Variants in CNDP1 observed in about 807,000 individuals in gnomAD.
CNDP1 encodes beta-Ala-His dipeptidase.
In CNDP1, 44 loss-of-function variants were observed where a neutral mutation model predicts 58.1. The observed-to-expected ratio is 0.76, with a 90% CI of 0.60 to 0.97. The LOEUF (loss-of-function observed/expected upper bound fraction) is 0.97, where lower values mean the gene tolerates loss of function less well. Ranked by LOEUF, CNDP1 falls within the 50% of genes least tolerant of loss-of-function variation. The pLI, the probability that CNDP1 is intolerant of heterozygous loss-of-function variation, is 0.00. For missense variants in CNDP1, 616 were observed against 655.1 expected (o/e 0.94, Z 0.65); for synonymous variants, 254 against 252.6 (o/e 1.01, Z -0.05).
intron 1 of CNDP1, among the ~76,000 whole-genome samples, chr18:74,542,693 G>C (rs958877178): frequency 6.6e-6 from 1 of 152,210 alleles, no homozygotes; most frequent in African/African-American, 2.4e-5. Context: ...GCCTGGCTAA[G>C]TTTTAAAATC....
chr18:74,576,515 A>G (rs557087021), intron 7 of CNDP1: 4 of 190,812 alleles, frequency 2.1e-5, no homozygotes, highest in African/African-American at 9.3e-5. Context: ...AAATCAGGAT[A>G]AGACAAAACT....
chr18:74,537,507 G>A (rs1980512376), intron 1 of CNDP1, among the ~76,000 whole-genome samples: 1 of 152,142 alleles, frequency 6.6e-6, no homozygotes, highest in African/African-American at 2.4e-5. Flanking sequence ...GGGATCTTGA[G>A]CCCAAGATTG....
intron 5 of CNDP1, among the ~76,000 whole-genome samples, chr18:74,566,019 C>T (rs887359482): frequency 2.0e-5 from 3 of 152,246 alleles, no homozygotes; most frequent in Non-Finnish European, 4.4e-5. Flanking sequence ...CTTCTGTGCA[C>T]CCGCAGGCTC....
chr18:74,558,374 G>A (rs1238738585), intron 2 of CNDP1, among the ~76,000 whole-genome samples: 1 of 148,462 alleles, frequency 6.7e-6, no homozygotes, highest in African/African-American at 2.5e-5. Flanking sequence ...TATAGTTAGG[G>A]AGCATTACTT....
At chr18:74,563,212 A>C (rs1263709847) in intron 5 of CNDP1, among the ~76,000 whole-genome samples, 2 of 152,188 alleles carry the variant, frequency 1.3e-5, no homozygotes, top group African/African-American at 4.8e-5. Context: ...TGAGTCTCAC[A>C]GAAGACACCT....
In CNDP1 at chr18:74,567,308, GA is replaced by G; in HGVS notation, c.636del (p.Glu213LysfsTer13). 6.2e-7 allele frequency: 1 copy of G among 1,614,158 alleles called. No individual in the cohort carries two copies. Among genetic ancestry groups the G allele is most frequent in the Non-Finnish European group, 8.5e-7 (1 of 1,179,984 alleles). ...AGSVALEELV[E>X]KEKDRFFSGV... ...CTCTGTTGCCCTGGAGGAACTTGTG[GA>G]AAAAGAAAAGGACCGATTCTTCTCT... On this transcript the variant is annotated frameshift_variant, in exon 6 of 12. Transcript: ENST00000358821. LOFTEE classifies it high-confidence loss of function.
intron 5 of CNDP1, among the ~76,000 whole-genome samples, chr18:74,563,215 A>G (rs12604675): frequency 0.66 from 99,864 of 152,060 alleles, 36,036 homozygotes; most frequent in East Asian, 0.93. Context: ...GTCTCACAGA[A>G]GACACCTCAG....
chr18:74,553,873 A>G (rs1054607938), intron 1 of CNDP1, among the ~76,000 whole-genome samples: 1 of 151,888 alleles, frequency 6.6e-6, no homozygotes, highest in African/African-American at 2.4e-5. Context: ...GACCATCCCC[A>G]CCCCATGATG....
Position 74,578,256 on chromosome 18 carries a change from C to G in CNDP1, c.1096C>G (p.Pro366Ala). ...TGAGCCTGGAACTAAAACAGTCATA[C>G]CTGGCCGAGTTATAGGAAAATTTTC... ...FDEPGTKTVI[P>A]GRVIGKFSIR... is the part of the protein sequence containing the mutation. The change falls in exon 9 of 12, where the codon CCT becomes GCT. Residue 366 changes from proline to alanine, a missense_variant. Coordinates refer to ENST00000358821, the MANE Select transcript of CNDP1 (RefSeq NM_032649.6). The G allele has an allele frequency of 6.2e-7, 1 of 1,614,010 alleles. No individual in the cohort carries two copies. The highest frequency in any genetic ancestry group is 8.5e-7 in the Non-Finnish European group (1 of 1,179,992).
Position 74,577,049 on chromosome 18 carries a change from G to T in CNDP1, c.1002+20G>T, listed in dbSNP as rs780016424. The T allele has an allele frequency of 6.9e-6, 11 of 1,593,284 alleles. No homozygotes were observed. In the East Asian group the frequency reaches 2.5e-4, roughly 36 times the overall value. On this transcript the variant is annotated intron_variant, in intron 8 of 11. Coordinates refer to ENST00000358821, the MANE Select transcript of CNDP1 (RefSeq NM_032649.6). Reference sequence around the variant, plus strand: ...ACTAAGGTATGGCCACAGACTGATGGATAAGCTGGAAGAGGCATGAGGCTA... The same window carrying T: ...ACTAAGGTATGGCCACAGACTGATGTATAAGCTGGAAGAGGCATGAGGCTA...
In CNDP1 at chr18:74,572,714, G is replaced by A. The variant is rs1981510360; in HGVS notation, c.841+1444G>A. 3.4e-5 allele frequency among the ~76,000 whole-genome samples: 5 copies of A among 148,930 alleles called. No homozygotes were observed. In the South Asian group the frequency reaches 8.5e-4, roughly 25 times the overall value. On this transcript the variant is annotated intron_variant, in intron 7 of 11. Coordinates refer to ENST00000358821, the MANE Select transcript of CNDP1 (RefSeq NM_032649.6). ...GAGGCAGGAGGGTCGCTTGAGCCCGGAAGGCAGAGGTTGCAGTGAGCTGAG... is the reference window on the plus strand; with the variant it reads ...GAGGCAGGAGGGTCGCTTGAGCCCGAAAGGCAGAGGTTGCAGTGAGCTGAG...
chr18:74,551,419 C>G (rs1980907268), intron 1 of CNDP1, among the ~76,000 whole-genome samples: 1 of 150,988 alleles, frequency 6.6e-6, no homozygotes, highest in Admixed American at 6.6e-5. Flanking sequence ...CATGGAGGAA[C>G]AGGAGAAAAA....
intron 1 of CNDP1, among the ~76,000 whole-genome samples, chr18:74,551,909 G>GA (rs551878661): frequency 0.052 from 6,931 of 133,318 alleles, 375 homozygotes; most frequent in African/African-American, 0.14. Flanking sequence ...GATCGATTGC[G>GA]AAAAAAAAAA....
chr18:74,585,014 C>G lies in CNDP1; in HGVS notation c.*452C>G. 1 of 159,582 alleles carries G rather than the reference C, an allele frequency of 6.3e-6. No homozygotes were observed. The highest frequency in any genetic ancestry group is 1.8e-4 in the South Asian group (1 of 5,494). 9.9% of individuals were successfully genotyped at this position (159,582 alleles called of 1,614,324 possible). On this transcript the variant is annotated 3_prime_UTR_variant, in exon 12 of 12. Coordinates refer to ENST00000358821, the MANE Select transcript of CNDP1 (RefSeq NM_032649.6). The stretch of plus-strand genomic sequence containing the variant: ...TATTAATAAAAATGTTGGTCTCCAC[C>G]ACTGACTACAATGATTTCCCCATGG...
chr18:74,551,527 G>T (rs1434886593), intron 1 of CNDP1, among the ~76,000 whole-genome samples: 2 of 152,112 alleles, frequency 1.3e-5, no homozygotes, highest in Non-Finnish European at 1.5e-5. Flanking sequence ...ATAGCAGGCT[G>T]CCCTGCTCTG....
At chr18:74,559,535 G>T (rs762910857) in intron 3 of CNDP1, 63 bp downstream of exon 3, 11 of 1,507,584 alleles carry the variant, frequency 7.3e-6, no homozygotes, top group Non-Finnish European at 9.8e-6. Flanking sequence ...ATGCCTTCCC[G>T]GGGGTGGCAA....
At chr18:74,563,654 CGA>C (rs1476669649) in intron 5 of CNDP1, among the ~76,000 whole-genome samples, 2 of 152,160 alleles carry the variant, frequency 1.3e-5, no homozygotes, top group Non-Finnish European at 2.9e-5. Flanking sequence ...CGAGGTCCTT[CGA>C]GAGTGTTCCT....
intron 1 of CNDP1, among the ~76,000 whole-genome samples, chr18:74,555,277 C>T (rs543697841): frequency 1.3e-5 from 2 of 152,132 alleles, no homozygotes; most frequent in Admixed American, 1.3e-4. Context: ...TAAAGTGGAG[C>T]CCAGCTGGTC....
At chr18:74,564,784 C>A (rs1344605215) in intron 5 of CNDP1, among the ~76,000 whole-genome samples, 1 of 152,216 alleles carries the variant, frequency 6.6e-6, no homozygotes, top group Non-Finnish European at 1.5e-5. Context: ...ACCTTGAATT[C>A]TCCTTCACAA....
Sources: allele counts gnomAD v4.1 joint callset (sites outside exome capture counted in the v4.1 genomes callset), GRCh38; gene constraint gnomAD v4.1.1; transcripts MANE v1.5; gene names NCBI Gene and HGNC (gene_info 2026-07-23, HGNC 2026-07-21).